Variants in PPFIA2 observed in about 807,000 individuals in gnomAD.
PPFIA2 encodes PPFI scaffold protein A2, also known as liprin-alpha-2.
Under a neutral mutation model 175.5 loss-of-function variants are expected in PPFIA2, and 46 were observed. The ratio of observed to expected loss-of-function variants is 0.26; its 90% CI spans 0.21 to 0.34. PPFIA2 has a LOEUF of 0.34. Ranked by LOEUF, PPFIA2 falls within the 10% of genes least tolerant of loss-of-function variation. The pLI is 1.00. For missense variants in PPFIA2, 1,179 were observed against 1,506.1 expected (o/e 0.78, Z 3.60); for synonymous variants, 568 against 511.4 (o/e 1.11, Z -1.49).
intron 28 of PPFIA2, among the ~76,000 whole-genome samples, chr12:81,276,824 T>C (rs1404929843): frequency 6.6e-6 from 1 of 152,314 alleles, no homozygotes; most frequent in East Asian, 1.9e-4. Flanking sequence ...GTTTGGTTTA[T>C]AGGGGAAAAT....
chr12:81,360,280 G>A (rs2061422438), intron 15 of PPFIA2, among the ~76,000 whole-genome samples: 2 of 151,762 alleles, frequency 1.3e-5, no homozygotes, highest in Admixed American at 6.6e-5. Context: ...AAAGGCTTTT[G>A]GAAGGTCTAA....
chr12:81,384,996 A>T (rs1843481087), intron 8 of PPFIA2, among the ~76,000 whole-genome samples: 2 of 152,156 alleles, frequency 1.3e-5, no homozygotes, highest in Non-Finnish European at 2.9e-5. Context: ...TAAACAACTC[A>T]AACAACTCAA....
chr12:81,724,266 T>C (rs1052550648), intron 3 of PPFIA2, among the ~76,000 whole-genome samples: 12 of 151,068 alleles, frequency 7.9e-5, no homozygotes, highest in Admixed American at 6.0e-4. Flanking sequence ...AGCTCTATAA[T>C]TATAAGCAAT....
At chr12:81,375,664 G>T in intron 10 of PPFIA2, 132 bp downstream of exon 10, 4 of 905,444 alleles carry the variant, frequency 4.4e-6, no homozygotes, top group South Asian at 1.6e-5. Flanking sequence ...TATTTGTTTT[G>T]CTAGAGAATT....
At chr12:81,528,239 T>C (rs879750993) in intron 4 of PPFIA2, among the ~76,000 whole-genome samples, 6 of 151,982 alleles carry the variant, frequency 3.9e-5, no homozygotes, top group Non-Finnish European at 5.9e-5. Flanking sequence ...GGGTACATCT[T>C]GAAGCAGACA....
chr12:81,626,408 T>G (rs1036505255), intron 4 of PPFIA2, among the ~76,000 whole-genome samples: 21 of 152,010 alleles, frequency 1.4e-4, no homozygotes, highest in African/African-American at 3.9e-4. Flanking sequence ...CAAATATAAT[T>G]GCATGATATA....
At chr12:81,690,327 A>G (rs2075076343) in intron 3 of PPFIA2, among the ~76,000 whole-genome samples, 1 of 152,226 alleles carries the variant, frequency 6.6e-6, no homozygotes, top group African/African-American at 2.4e-5. Context: ...AAATATTGTA[A>G]AACAGATTCT....
At position 81,490,324 on chromosome 12, in the gene PPFIA2, A is replaced by G. The variant is rs2059293679; in HGVS notation, c.304-32458T>C. Among the ~76,000 whole-genome samples, 4 of 151,874 alleles carry G rather than the reference A, an allele frequency of 2.6e-5. No homozygotes were observed. The South Asian group carries it at 8.3e-4, about 31-fold the overall frequency. The stretch of plus-strand genomic sequence containing the variant: ...GAAAATAGCCAATCTAAACATTACA[A>G]TCTCAGCATAAACATTTGCCTCAGT... On this transcript the variant is annotated intron_variant, in intron 4 of 32. Transcript: ENST00000549396.
chr12:81,460,866 G>A (rs571156105), intron 4 of PPFIA2, among the ~76,000 whole-genome samples: 9 of 152,162 alleles, frequency 5.9e-5, no homozygotes, highest in African/African-American at 2.2e-4. Flanking sequence ...GAGAAGTTAA[G>A]TACATTGTGC....
intron 4 of PPFIA2, among the ~76,000 whole-genome samples, chr12:81,533,725 ATCTATC>A (rs1567218318): frequency 9.2e-6 from 1 of 108,196 alleles, no homozygotes; most frequent in African/African-American, 3.8e-5. Flanking sequence ...CTATCTATCT[ATCTATC>A]TATCTATATA....
At chr12:81,553,332 G>T (rs903367925) in intron 4 of PPFIA2, among the ~76,000 whole-genome samples, 5 of 152,012 alleles carry the variant, frequency 3.3e-5, no homozygotes, top group African/African-American at 4.8e-5. Context: ...TAATATTAAT[G>T]GTGGTAAATT....
chr12:81,486,283 A>C (rs1047508604), intron 4 of PPFIA2, among the ~76,000 whole-genome samples: 2 of 151,878 alleles, frequency 1.3e-5, no homozygotes, highest in Non-Finnish European at 2.9e-5. Flanking sequence ...TTACTGTCTT[A>C]TGTGGCAGAA....
intron 17 of PPFIA2, among the ~76,000 whole-genome samples, chr12:81,349,127 C>G (rs2059584933): frequency 6.6e-6 from 1 of 152,152 alleles, no homozygotes; most frequent in African/African-American, 2.4e-5. Context: ...TATATGTTCA[C>G]CAGCTCTTTG....
intron 4 of PPFIA2, among the ~76,000 whole-genome samples, chr12:81,622,214 C>T (rs1239925337): frequency 6.6e-6 from 1 of 152,154 alleles, no homozygotes; most frequent in Non-Finnish European, 1.5e-5. Flanking sequence ...GGTATATCAA[C>T]TTGGGTGACC....
At chr12:81,549,361 A>G (rs529359715) in intron 4 of PPFIA2, among the ~76,000 whole-genome samples, 1 of 152,208 alleles carries the variant, frequency 6.6e-6, no homozygotes, top group African/African-American at 2.4e-5. Flanking sequence ...AAAAAAATCT[A>G]CTTTTAAGAT....
intron 7 of PPFIA2, among the ~76,000 whole-genome samples, chr12:81,438,806 T>C (rs922355018): frequency 5.3e-5 from 8 of 152,148 alleles, no homozygotes; most frequent in Non-Finnish European, 1.2e-4. Flanking sequence ...TCTTTACTTT[T>C]TACTAGGAAC....
intron 3 of PPFIA2, among the ~76,000 whole-genome samples, chr12:81,699,980 T>G (rs2076313640): frequency 6.6e-6 from 1 of 152,104 alleles, no homozygotes; most frequent in Non-Finnish European, 1.5e-5. Context: ...TATAGTTGAC[T>G]CTTCAATCCT....
chr12:81,428,384 T>G (rs1011914049), intron 7 of PPFIA2, among the ~76,000 whole-genome samples: 2 of 152,022 alleles, frequency 1.3e-5, no homozygotes, highest in African/African-American at 4.8e-5. Flanking sequence ...TTGGAACTAG[T>G]AAAATTAGTG....
At chr12:81,582,452 G>A (rs906160278) in intron 4 of PPFIA2, among the ~76,000 whole-genome samples, 17 of 151,324 alleles carry the variant, frequency 1.1e-4, no homozygotes, top group Admixed American at 2.6e-4. Flanking sequence ...TTAGATTAAC[G>A]CAATATTAAA....
Sources: allele counts gnomAD v4.1 joint callset (sites outside exome capture counted in the v4.1 genomes callset), GRCh38; gene constraint gnomAD v4.1.1; transcripts MANE v1.5; gene names NCBI Gene and HGNC (gene_info 2026-07-23, HGNC 2026-07-21).